Variants in DOCK2 observed in about 807,000 individuals in gnomAD.
DOCK2 encodes dedicator of cytokinesis 2.
A neutral mutation model predicts 248.9 loss-of-function variants in DOCK2; 87 were observed. The ratio of observed to expected loss-of-function variants is 0.35; its 90% CI spans 0.29 to 0.42. DOCK2 has a LOEUF of 0.42. Ranked by LOEUF, DOCK2 falls within the 10% of genes least tolerant of loss-of-function variation. The pLI, the probability that DOCK2 is intolerant of heterozygous loss-of-function variation, is 1.00. For missense variants in DOCK2, 1,747 were observed against 2,300.2 expected, an observed-to-expected ratio of 0.76 and a Z score of 4.92; for synonymous variants, 805 against 821.6, an observed-to-expected ratio of 0.98 and a Z score of 0.35.
intron 27 of DOCK2, among the ~76,000 whole-genome samples, chr5:169,890,663 A>C (rs1416903011): frequency 6.6e-6 from 1 of 152,196 alleles, no homozygotes; most frequent in African/African-American, 2.4e-5. Context: ...ACATGGGTTG[A>C]CTTGAGGAAA....
At chr5:169,899,459 A>G (rs150644045) in intron 27 of DOCK2, among the ~76,000 whole-genome samples, 33 of 152,310 alleles carry the variant, frequency 2.2e-4, no homozygotes, top group African/African-American at 7.2e-4. Flanking sequence ...ACCAGCATCA[A>G]TGATTGCAGG....
intron 26 of DOCK2, among the ~76,000 whole-genome samples, chr5:169,816,117 C>G (rs1768057332): frequency 1.3e-5 from 2 of 152,180 alleles, no homozygotes; most frequent in South Asian, 4.1e-4. Context: ...GTCCAGGTTA[C>G]AGTTGCTGAG....
At chr5:169,903,323 A>C (rs895554980) in intron 27 of DOCK2, among the ~76,000 whole-genome samples, 7 of 151,688 alleles carry the variant, frequency 4.6e-5, no homozygotes, top group Admixed American at 4.6e-4. Context: ...AAAAAAAAAA[A>C]AAAAAAGGAA....
At chr5:169,723,972 C>T (rs1205538283) in intron 22 of DOCK2, among the ~76,000 whole-genome samples, 1 of 152,142 alleles carries the variant, frequency 6.6e-6, no homozygotes, top group African/African-American at 2.4e-5. Flanking sequence ...ATTTCTAGCC[C>T]CCTTTCACAA....
At chr5:169,697,631 G>T (rs1760710291) in intron 10 of DOCK2, among the ~76,000 whole-genome samples, 1 of 152,114 alleles carries the variant, frequency 6.6e-6, no homozygotes, top group Non-Finnish European at 1.5e-5. Flanking sequence ...CCTCCTGTCT[G>T]CTCTCTGACT....
At chr5:169,730,180 C>T (rs888969863) in intron 22 of DOCK2, among the ~76,000 whole-genome samples, 1 of 152,202 alleles carries the variant, frequency 6.6e-6, no homozygotes, top group African/African-American at 2.4e-5. Flanking sequence ...TGGTCTTGAA[C>T]TCCTGACCTC....
At chr5:170,053,372 T>C (rs746204686) in intron 41 of DOCK2, among the ~76,000 whole-genome samples, 6 of 152,246 alleles carry the variant, frequency 3.9e-5, no homozygotes, top group East Asian at 3.8e-4. Context: ...GCTGTTGTAG[T>C]GGGAGAGCAG....
intron 27 of DOCK2, among the ~76,000 whole-genome samples, chr5:169,927,274 G>A (rs532779413): frequency 9.2e-5 from 14 of 152,150 alleles, no homozygotes; most frequent in African/African-American, 9.7e-5. Flanking sequence ...AGATCCTCTA[G>A]AGCCTTGTAG....
intron 26 of DOCK2, among the ~76,000 whole-genome samples, chr5:169,825,811 C>T (rs978765765): frequency 1.6e-4 from 24 of 146,408 alleles, no homozygotes; most frequent in South Asian, 2.2e-4. Flanking sequence ...AATATTGAAA[C>T]GTTTGCATAA....
intron 32 of DOCK2, among the ~76,000 whole-genome samples, 161 bp from the exon 33 acceptor site, chr5:170,018,797 TAA>T (rs1755622041): frequency 6.6e-6 from 1 of 152,212 alleles, no homozygotes; most frequent in African/African-American, 2.4e-5. Context: ...TAATATATGT[TAA>T]GTGTTCAAAA....
intron 39 of DOCK2, among the ~76,000 whole-genome samples, chr5:170,046,593 G>A (rs144915233): frequency 8.7e-4 from 133 of 152,272 alleles, no homozygotes; most frequent in African/African-American, 3.1e-3. Context: ...AGCTTTTGGT[G>A]GGGGGAAGGT....
chr5:169,867,014 A>G (rs1332333266), intron 27 of DOCK2, among the ~76,000 whole-genome samples: 1 of 152,234 alleles, frequency 6.6e-6, no homozygotes, highest in Non-Finnish European at 1.5e-5. Context: ...CTGACTGACT[A>G]GCTTCAAGTT....
chr5:170,064,244 G>A (rs1757422131), intron 44 of DOCK2, among the ~76,000 whole-genome samples: 1 of 151,890 alleles, frequency 6.6e-6, no homozygotes, highest in Non-Finnish European at 1.5e-5. Flanking sequence ...TGAAGAAACA[G>A]GGTAATATAT....
At chr5:169,800,571 GA>G (rs1447471155) in intron 25 of DOCK2, among the ~76,000 whole-genome samples, 1 of 152,218 alleles carries the variant, frequency 6.6e-6, no homozygotes, top group East Asian at 1.9e-4. Flanking sequence ...TTGGCTCTGA[GA>G]GAAGGGATAT....
At chr5:169,672,255 A>G (rs1759089792) in intron 5 of DOCK2, among the ~76,000 whole-genome samples, 1 of 151,974 alleles carries the variant, frequency 6.6e-6, no homozygotes, top group African/African-American at 2.4e-5. Flanking sequence ...TGATCCACCC[A>G]CCTTGGCCTT....
chr5:170,078,069 G>A (rs1015412548), intron 48 of DOCK2, among the ~76,000 whole-genome samples: 1 of 152,184 alleles, frequency 6.6e-6, no homozygotes, highest in Non-Finnish European at 1.5e-5. Flanking sequence ...TGAGGACCCA[G>A]CAGGAGTCAC....
chr5:169,692,607 TAAGAG>T (rs1263441053), intron 9 of DOCK2, among the ~76,000 whole-genome samples: 1 of 152,104 alleles, frequency 6.6e-6, no homozygotes, highest in Non-Finnish European at 1.5e-5. Context: ...AAAAAATTGT[TAAGAG>T]AAGAAGGTGG....
intron 32 of DOCK2, among the ~76,000 whole-genome samples, chr5:170,011,661 G>A (rs181198832): frequency 6.6e-6 from 1 of 152,272 alleles, no homozygotes; most frequent in East Asian, 1.9e-4. Context: ...TAACAGCCAC[G>A]TGTCCCAAGT....
chr5:170,001,716 G>A (rs936100375), intron 30 of DOCK2, among the ~76,000 whole-genome samples: 2 of 152,194 alleles, frequency 1.3e-5, no homozygotes, highest in Admixed American at 6.5e-5. Context: ...CGTGATGTGC[G>A]ATACTGTGTG....
Sources: allele counts gnomAD v4.1 joint callset (sites outside exome capture counted in the v4.1 genomes callset), GRCh38; gene constraint gnomAD v4.1.1; transcripts MANE v1.5; gene names NCBI Gene and HGNC (gene_info 2026-07-23, HGNC 2026-07-21).